The following ABCA12 variants were observed in gnomAD, a reference collection of about 807,000 sequenced individuals.
ABCA12 encodes the protein glucosylceramide transporter ABCA12.
Under a neutral mutation model 293.5 loss-of-function variants are expected in ABCA12, and 156 were observed. That is an observed-to-expected ratio of 0.53 (90% CI 0.47 to 0.61). ABCA12 has a LOEUF of 0.61. ABCA12 is among the 20% of genes least tolerant of loss of function. The pLI is 0.00. For synonymous variants in ABCA12, 1,063 were observed against 1,108.0 expected (o/e 0.96, Z 0.81); for missense variants, 2,797 against 3,090.2 (o/e 0.91, Z 2.25).
At chr2:215,015,060 A>G (rs76711831) in intron 15 of ABCA12, among the ~76,000 whole-genome samples, 1 of 152,162 alleles carries the variant, frequency 6.6e-6, no homozygotes, top group Admixed American at 6.5e-5. Context: ...AGGAAACAGG[A>G]AATTTTTTTT....
intron 9 of ABCA12, among the ~76,000 whole-genome samples, chr2:215,030,852 GA>G (rs1343722102): frequency 6.6e-6 from 1 of 152,030 alleles, no homozygotes; most frequent in Non-Finnish European, 1.5e-5. Flanking sequence ...TTTAGAAAAA[GA>G]AAAAAATTGG....
At chr2:214,981,101 AAAAG>A (rs1418794468) in intron 30 of ABCA12, among the ~76,000 whole-genome samples, 4 of 152,014 alleles carry the variant, frequency 2.6e-5, no homozygotes, top group Admixed American at 6.6e-5. Flanking sequence ...AAAAAAAAAA[AAAAG>A]AAAGGAAAAA....
chr2:215,004,060 G>C (rs1700201279), intron 20 of ABCA12, 149 bp downstream of exon 20: 2 of 644,718 alleles, frequency 3.1e-6, no homozygotes, highest in Non-Finnish European at 5.5e-6. Context: ...AGAAGATAGG[G>C]GGGATATATC....
intron 1 of ABCA12, among the ~76,000 whole-genome samples, chr2:215,118,812 T>G (rs1702740938): frequency 6.6e-6 from 1 of 152,196 alleles, no homozygotes; most frequent in Non-Finnish European, 1.5e-5. Context: ...TGTCATCTTT[T>G]GAGAAGTGTC....
chr2:215,111,442 C>T (rs1702567955), intron 2 of ABCA12, among the ~76,000 whole-genome samples, 155 bp downstream of exon 2: 1 of 152,112 alleles, frequency 6.6e-6, no homozygotes. Context: ...ACTTGAAAAT[C>T]TAGGGTAAAA....
intron 23 of ABCA12, among the ~76,000 whole-genome samples, chr2:214,994,593 G>A (rs1699996292): frequency 6.6e-6 from 1 of 152,060 alleles, no homozygotes; most frequent in Non-Finnish European, 1.5e-5. Flanking sequence ...TAACTCATAA[G>A]GAATAATAAC....
chr2:215,016,415 C>G (rs1700500666), intron 14 of ABCA12, among the ~76,000 whole-genome samples: 1 of 150,414 alleles, frequency 6.6e-6, no homozygotes, highest in Non-Finnish European at 1.5e-5. Context: ...AACCCCGTCT[C>G]TACTAAAAAT....
chr2:215,068,281 G>C (rs1701672769), intron 2 of ABCA12, among the ~76,000 whole-genome samples: 1 of 152,094 alleles, frequency 6.6e-6, no homozygotes, highest in Non-Finnish European at 1.5e-5. Flanking sequence ...GTGAAGTTTG[G>C]GAACCACTGG....
intron 23 of ABCA12, among the ~76,000 whole-genome samples, chr2:214,994,483 CA>C (rs1699993948): frequency 6.6e-6 from 1 of 152,156 alleles, no homozygotes; most frequent in Admixed American, 6.5e-5. Context: ...AGCTTATGCA[CA>C]GGGGTTGACG....
At chr2:215,109,830 A>G (rs1702534750) in intron 2 of ABCA12, among the ~76,000 whole-genome samples, 1 of 152,194 alleles carries the variant, frequency 6.6e-6, no homozygotes, top group Non-Finnish European at 1.5e-5. Context: ...GAGGAACTTT[A>G]TGTAACTGAA....
intron 1 of ABCA12, among the ~76,000 whole-genome samples, chr2:215,130,979 C>A (rs183170986): frequency 2.0e-5 from 3 of 151,158 alleles, no homozygotes; most frequent in East Asian, 1.9e-4. Context: ...TGATGGAATT[C>A]TTTTTCTGCA....
intron 2 of ABCA12, among the ~76,000 whole-genome samples, chr2:215,072,116 T>C (rs1701750030): frequency 6.6e-6 from 1 of 152,174 alleles, no homozygotes; most frequent in Admixed American, 6.5e-5. Flanking sequence ...AAGGAGTTCC[T>C]GTACTCAAAA....
chr2:215,066,359 A>G (rs1701640216), intron 2 of ABCA12, among the ~76,000 whole-genome samples: 2 of 152,208 alleles, frequency 1.3e-5, no homozygotes, highest in Admixed American at 1.3e-4. Context: ...GCTCTATGCC[A>G]CTTATCAGCA....
intron 8 of ABCA12, among the ~76,000 whole-genome samples, chr2:215,033,102 T>C (rs1700914475): frequency 6.6e-6 from 1 of 152,228 alleles, no homozygotes. Flanking sequence ...GAGTAGAGTT[T>C]TTCTGTGCTC....
chr2:214,989,668 A>G (rs2105975517), intron 24 of ABCA12, 47 bp from the exon 25 acceptor site: 1 of 1,600,926 alleles, frequency 6.2e-7, no homozygotes, highest in Non-Finnish European at 8.5e-7. Context: ...GATTTCATGT[A>G]TTTCACCCAG....
chr2:215,114,033 GGT>G (rs1491585442), intron 1 of ABCA12, among the ~76,000 whole-genome samples: 7 of 152,094 alleles, frequency 4.6e-5, no homozygotes, highest in African/African-American at 1.7e-4. Flanking sequence ...GGAGTGCAGT[GGT>G]GCAACCTCGG....
chr2:215,126,591 G>C (rs999883204), intron 1 of ABCA12, among the ~76,000 whole-genome samples: 1 of 152,096 alleles, frequency 6.6e-6, no homozygotes, highest in Admixed American at 6.6e-5. Flanking sequence ...TGTGCAGAAA[G>C]GTGTTCATAG....
chr2:215,078,648 T>C (rs530668535), intron 2 of ABCA12, among the ~76,000 whole-genome samples: 31 of 152,168 alleles, frequency 2.0e-4, no homozygotes, highest in Non-Finnish European at 3.1e-4. Context: ...AACATGGCTA[T>C]TGAACATCTT....
chr2:215,046,785 T>C (rs1031865719), intron 6 of ABCA12, among the ~76,000 whole-genome samples: 1 of 152,068 alleles, frequency 6.6e-6, no homozygotes, highest in African/African-American at 2.4e-5. Context: ...AAGGCTAGTG[T>C]ATGTACTATT....
Sources: gnomAD v4.1 joint callset for allele counts (sites outside exome capture counted in the v4.1 genomes callset) on GRCh38, gnomAD v4.1.1 for gene constraint, MANE v1.5 for transcripts, NCBI Gene and HGNC (gene_info 2026-07-23, HGNC 2026-07-21) for gene names.